FHIT: variants seen among roughly 807,000 people sequenced by gnomAD.
FHIT encodes fragile histidine triad diadenosine triphosphatase.
A neutral mutation model predicts 17.9 loss-of-function variants in FHIT; 19 were observed. The observed-to-expected ratio is 1.06, with a 90% CI of 0.74 to 1.56. The LOEUF is 1.56. Among genes scored for constraint, FHIT ranks in the 40% most tolerant of loss-of-function variants. FHIT has a pLI of 0.00. For synonymous variants in FHIT, 81 were observed against 69.7 expected (o/e 1.16, Z -0.81); for missense variants, 248 against 189.2 (o/e 1.31, Z -1.82).
rs1338266853 is a variant in FHIT at position 60,665,913 on chromosome 3, TAC to T, written c.-17-128936_-17-128935del. Among the ~76,000 whole-genome samples, 11 of 152,246 alleles carry T rather than the reference TAC, an allele frequency of 7.2e-5. No homozygotes were observed. In the South Asian group the frequency reaches 1.2e-3, roughly 17 times the overall value. On this transcript the variant is annotated intron_variant, in intron 4 of 9. Transcript: ENST00000492590. ...CATTTTTTAGGATTTCATTTTGATATACAGTGTTTTGGGAAGTACTTCTTTGT... is the reference window on the plus strand; with the variant it reads ...CATTTTTTAGGATTTCATTTTGATATAGTGTTTTGGGAAGTACTTCTTTGT...
In FHIT at chr3:59,748,256, A is replaced by G. The variant is rs1219317308; in HGVS notation, c.*1329T>C. ...AAAATTCAAAAAGTGAATCAAGTAA[A>G]TAATGCTCTAGGTGGTCCACAAAGA... On this transcript the variant is annotated 3_prime_UTR_variant, in exon 10 of 10. Coordinates refer to ENST00000492590, the MANE Select transcript of FHIT (RefSeq NM_002012.4). 1.3e-5 allele frequency among the ~76,000 whole-genome samples: 2 copies of G among 152,196 alleles called. No individual in the cohort carries two copies. Among genetic ancestry groups the G allele is most frequent in the African/African-American group, 4.8e-5 (2 of 41,454 alleles).
chr3:60,946,998 T>G lies in FHIT; in HGVS notation c.-111+95049A>C, dbSNP rs76911693. Among the ~76,000 whole-genome samples the G allele has an allele frequency of 3.7e-4, 57 of 152,354 alleles. 1 individual carries two copies. The East Asian group carries it at 9.1e-3, about 24-fold the overall frequency. ...GAATTTAAATGTAAACAGTCAGATG[T>G]GGCTACTGGCTAACAAATTGGATGG... On this transcript the variant is annotated intron_variant, in intron 3 of 9. Coordinates refer to ENST00000492590, the MANE Select transcript of FHIT (RefSeq NM_002012.4).
intron 8 of FHIT, among the ~76,000 whole-genome samples, chr3:59,886,915 C>G (rs943221931): frequency 1.3e-5 from 2 of 152,098 alleles, no homozygotes; most frequent in African/African-American, 4.8e-5. Context: ...AACTATTTGT[C>G]AGAAATGGTG....
chr3:60,575,366 C>G (rs1485599306), intron 4 of FHIT, among the ~76,000 whole-genome samples: 3 of 152,086 alleles, frequency 2.0e-5, no homozygotes, highest in Non-Finnish European at 4.4e-5. Context: ...TAGTATCAAA[C>G]AAACAATTCC....
intron 5 of FHIT, among the ~76,000 whole-genome samples, chr3:60,346,350 C>A (rs1292820332): frequency 6.6e-6 from 1 of 152,182 alleles, no homozygotes; most frequent in Non-Finnish European, 1.5e-5. Context: ...CCTATAAAAC[C>A]ATTCAATTAT....
chr3:60,016,925 A>C lies in FHIT; in HGVS notation c.104-2773T>G, dbSNP rs558306133. 6.8e-4 allele frequency among the ~76,000 whole-genome samples: 104 copies of C among 152,300 alleles called. 1 individual carries two copies. The highest frequency in any genetic ancestry group is 2.2e-3 in the African/African-American group (93 of 41,568). On this transcript the variant is annotated intron_variant, in intron 5 of 9. Coordinates refer to ENST00000492590, the MANE Select transcript of FHIT (RefSeq NM_002012.4). ...TTTCCAACAAACCCATAAACTATTA[A>C]TACTATTATAATTCCCATGTTGAAG...
At chr3:60,286,031 AG>A (rs1707711010) in intron 5 of FHIT, among the ~76,000 whole-genome samples, 1 of 152,192 alleles carries the variant, frequency 6.6e-6, no homozygotes, top group African/African-American at 2.4e-5. Context: ...GTGGGTGTAG[AG>A]GGGGAGGAAG....
chr3:60,861,325 C>T (rs763306545), intron 3 of FHIT, among the ~76,000 whole-genome samples: 1 of 130,914 alleles, frequency 7.6e-6, no homozygotes, highest in South Asian at 2.3e-4. Context: ...AAGCTCATTA[C>T]AGCAGTTAGC....
intron 8 of FHIT, among the ~76,000 whole-genome samples, chr3:59,915,861 G>A (rs1705110580): frequency 6.6e-6 from 1 of 151,244 alleles, no homozygotes; most frequent in African/African-American, 2.4e-5. Context: ...GAGACCCGGG[G>A]TTTGAGGCTG....
intron 8 of FHIT, among the ~76,000 whole-genome samples, chr3:59,773,173 C>T (rs1702150938): frequency 6.6e-6 from 1 of 152,180 alleles, no homozygotes; most frequent in South Asian, 2.1e-4. Context: ...CTCACACAGT[C>T]AAAGCACACT....
At chr3:60,217,450 T>A (rs1164017437) in intron 5 of FHIT, among the ~76,000 whole-genome samples, 1 of 152,224 alleles carries the variant, frequency 6.6e-6, no homozygotes, top group Admixed American at 6.5e-5. Flanking sequence ...TTTCTTAAAC[T>A]GTTTTCCTAT....
At position 60,054,781 on chromosome 3, in the gene FHIT, A is replaced by G. The variant is rs943628963; in HGVS notation, c.104-40629T>C. 2.6e-5 allele frequency among the ~76,000 whole-genome samples: 4 copies of G among 152,284 alleles called. No homozygotes were observed. In the South Asian group the frequency reaches 8.3e-4, roughly 32 times the overall value. ...TTGGTGGTGGTGGTTACTGTTGTTTATACCTTCAGATCTCTTTCTACACTA... is the reference window on the plus strand; with the variant it reads ...TTGGTGGTGGTGGTTACTGTTGTTTGTACCTTCAGATCTCTTTCTACACTA... On this transcript the variant is annotated intron_variant, in intron 5 of 9. Transcript: ENST00000492590.
chr3:60,868,096 G>A (rs577275772), intron 3 of FHIT, among the ~76,000 whole-genome samples: 1 of 152,266 alleles, frequency 6.6e-6, no homozygotes, highest in African/African-American at 2.4e-5. Context: ...AAAAACATAA[G>A]AAGGTTGGAA....
At chr3:60,448,596 A>G (rs1446085322) in intron 5 of FHIT, among the ~76,000 whole-genome samples, 1 of 152,168 alleles carries the variant, frequency 6.6e-6, no homozygotes, top group Non-Finnish European at 1.5e-5. Context: ...GTAAGCAGAG[A>G]GAGACAACCT....
chr3:61,214,146 T>G (rs2039588525), intron 1 of FHIT, among the ~76,000 whole-genome samples: 1 of 151,686 alleles, frequency 6.6e-6, no homozygotes, highest in South Asian at 2.1e-4. Context: ...AGGCAAGAAA[T>G]AACTAAAATC....
chr3:60,367,161 A>AT (rs1700139272), intron 5 of FHIT, among the ~76,000 whole-genome samples: 2 of 152,286 alleles, frequency 1.3e-5, no homozygotes, highest in South Asian at 4.1e-4. Context: ...TGGCCCTTTG[A>AT]TTTTAATTCT....
rs554402921 is a variant in FHIT, at chr3:60,963,381, C to A, written c.-111+78666G>T. ...TTTGTTGATCTTTTCAAAAAACCAG[C>A]TCCTGGATTCACTGATTTTTTGAAG... On this transcript the variant is annotated intron_variant, in intron 3 of 9. Coordinates refer to ENST00000492590, the MANE Select transcript of FHIT (RefSeq NM_002012.4). 2.0e-3 allele frequency among the ~76,000 whole-genome samples: 302 copies of A among 152,318 alleles called. 2 individuals are homozygous for A. Among genetic ancestry groups the A allele is most frequent in the Non-Finnish European group, 3.3e-3 (225 of 68,036 alleles).
intron 4 of FHIT, among the ~76,000 whole-genome samples, chr3:60,677,516 A>G (rs1553695669): frequency 2.0e-5 from 3 of 152,172 alleles, no homozygotes; most frequent in Admixed American, 6.5e-5. Context: ...ATAGTATTCT[A>G]TTATGTATAC....
At chr3:60,705,590 T>C (rs2041353417) in intron 4 of FHIT, among the ~76,000 whole-genome samples, 2 of 152,272 alleles carry the variant, frequency 1.3e-5, no homozygotes, top group Admixed American at 1.3e-4. Context: ...GGTGGTTTTA[T>C]GCCATTACCA....
Sources: gnomAD v4.1 joint callset for allele counts (sites outside exome capture counted in the v4.1 genomes callset) on GRCh38, gnomAD v4.1.1 for gene constraint, MANE v1.5 for transcripts, NCBI Gene and HGNC (gene_info 2026-07-23, HGNC 2026-07-21) for gene names.